Variants in ADGRL2 observed in about 807,000 individuals in gnomAD.
The protein encoded by ADGRL2 is adhesion G protein-coupled receptor L2.
Under a neutral mutation model 157.4 loss-of-function variants are expected in ADGRL2, and 44 were observed. That is an observed-to-expected ratio of 0.28 (90% CI 0.22 to 0.36). The LOEUF (loss-of-function observed/expected upper bound fraction) is 0.36, where lower values mean the gene tolerates loss of function less well. Ranked by LOEUF, ADGRL2 falls within the 10% of genes least tolerant of loss-of-function variation. The pLI is 1.00. For missense variants in ADGRL2, 1,510 were observed against 1,768.9 expected, an observed-to-expected ratio of 0.85 and a Z score of 2.63; for synonymous variants, 585 against 624.7, an observed-to-expected ratio of 0.94 and a Z score of 0.95.
chr1:81,514,127 C>T (rs1248409679), intron 2 of ADGRL2: 1 of 105,610 alleles, frequency 9.5e-6, no homozygotes, highest in Non-Finnish European at 1.7e-5. Context: ...ATGCACTTAA[C>T]TCAGTGGAGA....
chr1:81,496,753 A>G (rs1037731758), intron 2 of ADGRL2, among the ~76,000 whole-genome samples: 1 of 152,218 alleles, frequency 6.6e-6, no homozygotes, highest in African/African-American at 2.4e-5. Flanking sequence ...GAGATTAGAA[A>G]TGAGCTTAAT....
Position 81,985,320 on chromosome 1 carries a change from C to A in ADGRL2, c.3473C>A (p.Ser1158Ter). The A allele has an allele frequency of 6.2e-7, 1 of 1,606,484 alleles. No homozygotes were observed. Among genetic ancestry groups the A allele is most frequent in the South Asian group, 1.1e-5 (1 of 90,540 alleles). The part of the protein sequence containing the change: ...VRKQSESSFI[S>*]GDINSTSTLN... ...AAACAATCAGAATCTTCTTTTATCT[C>A]AGGTGACATCAATAGCACTTCAACA... The change falls in exon 21 of 24, where the codon TCA becomes TAA. Residue 1158 changes from serine to a stop codon, truncating the protein, a stop_gained. Transcript: ENST00000686636. LOFTEE classifies it high-confidence loss of function.
chr1:81,648,956 A>G (rs539351745), intron 3 of ADGRL2, among the ~76,000 whole-genome samples: 2 of 152,316 alleles, frequency 1.3e-5, no homozygotes, highest in African/African-American at 4.8e-5. Context: ...GCTGTGCAGT[A>G]TCACAGGGTT....
chr1:81,968,343 C>T, intron 14 of ADGRL2, 144 bp downstream of exon 14: 2 of 694,804 alleles, frequency 2.9e-6, no homozygotes, highest in Non-Finnish European at 4.8e-6. Flanking sequence ...CTACACTGTC[C>T]ATAAATTTTA....
chr1:81,658,785 C>T (rs910659806), intron 3 of ADGRL2, among the ~76,000 whole-genome samples: 1 of 151,932 alleles, frequency 6.6e-6, no homozygotes, highest in Non-Finnish European at 1.5e-5. Context: ...AAATCTTGCT[C>T]TTGTTGCCCA....
chr1:81,656,622 A>T (rs1245695374), intron 3 of ADGRL2, among the ~76,000 whole-genome samples: 1 of 152,216 alleles, frequency 6.6e-6, no homozygotes, highest in Non-Finnish European at 1.5e-5. Context: ...TTTCCCAAAA[A>T]AACTCTAGGT....
chr1:81,449,894 T>G (rs2077674129), intron 2 of ADGRL2, among the ~76,000 whole-genome samples: 1 of 152,154 alleles, frequency 6.6e-6, no homozygotes, highest in African/African-American at 2.4e-5. Flanking sequence ...CTTGGCTCAG[T>G]TATGGCTTTT....
chr1:81,518,576 C>T (rs1237514035), intron 2 of ADGRL2, among the ~76,000 whole-genome samples: 1 of 152,174 alleles, frequency 6.6e-6, no homozygotes, highest in Non-Finnish European at 1.5e-5. Context: ...ATAAGACAGA[C>T]AGTGTAGCAT....
chr1:81,910,279 C>T (rs2094689483), intron 3 of ADGRL2, among the ~76,000 whole-genome samples: 1 of 107,250 alleles, frequency 9.3e-6, no homozygotes, highest in African/African-American at 3.6e-5. Flanking sequence ...AATAATACTA[C>T]AATTGAGAAA....
At chr1:81,335,645 C>T (rs890109338) in intron 1 of ADGRL2, among the ~76,000 whole-genome samples, 28 of 152,130 alleles carry the variant, frequency 1.8e-4, no homozygotes, top group Admixed American at 3.3e-4. Flanking sequence ...CTCAAACATT[C>T]CCCACAACTC....
chr1:81,638,162 A>G (rs2082149837), intron 3 of ADGRL2, among the ~76,000 whole-genome samples: 1 of 152,090 alleles, frequency 6.6e-6, no homozygotes, highest in East Asian at 1.9e-4. Context: ...AAAAAAACTC[A>G]CCAACTTTGA....
At chr1:81,870,719 AT>A (rs1172439312) in intron 2 of ADGRL2, among the ~76,000 whole-genome samples, 7 of 152,106 alleles carry the variant, frequency 4.6e-5, no homozygotes, top group African/African-American at 1.7e-4. Context: ...AATAAAATGA[AT>A]TTTACCTGTA....
intron 1 of ADGRL2, among the ~76,000 whole-genome samples, chr1:81,358,239 G>C (rs1663458871): frequency 6.6e-6 from 1 of 152,146 alleles, no homozygotes; most frequent in East Asian, 1.9e-4. Flanking sequence ...AGGCAATGTG[G>C]GAAAAGATGG....
chr1:81,365,519 C>T (rs980105065), intron 1 of ADGRL2, among the ~76,000 whole-genome samples: 1 of 152,048 alleles, frequency 6.6e-6, no homozygotes, highest in Non-Finnish European at 1.5e-5. Flanking sequence ...ATGCTTATTT[C>T]TATCAAGACT....
intron 1 of ADGRL2, among the ~76,000 whole-genome samples, chr1:81,429,151 T>C (rs79480508): frequency 4.2e-5 from 6 of 142,632 alleles, no homozygotes; most frequent in African/African-American, 1.0e-4. Flanking sequence ...TTTTTTTTTT[T>C]ACAATGACCC....
In ADGRL2 at chr1:81,991,065, A is replaced by G. The variant is rs746832360; in HGVS notation, c.4330A>G (p.Ile1444Val). Residue 1444 changes from isoleucine (I) to valine (V), a missense_variant, in exon 24 of 24, where the codon ATA becomes GTA. Coordinates refer to ENST00000686636, the MANE Select transcript of ADGRL2 (RefSeq NM_001366006.2). ...QISRGNSDGY[I>V]IPINKEGCIP... ...CAGCAGGGGCAATAGTGATGGTTAT[A>G]TAATCCCCATTAACAAAGAAGGGTG... 4.7e-5 allele frequency: 76 copies of G among 1,613,566 alleles called. No individual in the cohort carries two copies. The highest frequency in any genetic ancestry group is 6.7e-5 in the Admixed American group (4 of 59,968).
chr1:81,525,131 T>G (rs2079422409), intron 2 of ADGRL2, among the ~76,000 whole-genome samples: 1 of 152,126 alleles, frequency 6.6e-6, no homozygotes, highest in African/African-American at 2.4e-5. Flanking sequence ...TTTAAACACC[T>G]TAGCTTGTAA....
intron 3 of ADGRL2, among the ~76,000 whole-genome samples, chr1:81,585,770 G>C (rs147980579): frequency 1.3e-5 from 2 of 151,956 alleles, no homozygotes; most frequent in Non-Finnish European, 2.9e-5. Flanking sequence ...CTTCAAGCAC[G>C]GTCTTTTAAT....
At chr1:81,435,342 C>G (rs538666803) in intron 1 of ADGRL2, among the ~76,000 whole-genome samples, 1 of 152,272 alleles carries the variant, frequency 6.6e-6, no homozygotes, top group African/African-American at 2.4e-5. Flanking sequence ...AGGAAATAAA[C>G]ATCATGTCCA....
Sources: gnomAD v4.1 joint callset for allele counts (sites outside exome capture counted in the v4.1 genomes callset) on GRCh38, gnomAD v4.1.1 for gene constraint, MANE v1.5 for transcripts, NCBI Gene and HGNC (gene_info 2026-07-23, HGNC 2026-07-21) for gene names.